Variants in COG3 observed in about 807,000 individuals in gnomAD.
COG3 encodes component of oligomeric golgi complex 3, also known as conserved oligomeric Golgi complex subunit 3.
A neutral mutation model predicts 114.1 loss-of-function variants in COG3; 32 were observed. The ratio of observed to expected loss-of-function variants is 0.28; its 90% confidence interval spans 0.21 to 0.38. The LOEUF (loss-of-function observed/expected upper bound fraction) is 0.38. Ranked by LOEUF, COG3 falls within the 10% of genes least tolerant of loss-of-function variation. The pLI, the probability that COG3 is intolerant of heterozygous loss-of-function variation, is 1.00. For missense variants in COG3, 813 were observed against 973.2 expected, an observed-to-expected ratio of 0.84 and a Z score of 2.19; for synonymous variants, 352 against 365.7, an observed-to-expected ratio of 0.96 and a Z score of 0.43.
At chr13:45,486,456 A>T in intron 7 of COG3, 39 bp from the exon 8 acceptor site, 1 of 1,255,622 alleles carries the variant, frequency 8.0e-7, no homozygotes, top group Non-Finnish European at 1.2e-6. Context: ...TTTGTTTGCT[A>T]ATTATCTTCC....
At chr13:45,510,074 T>A (rs1870691891) in intron 15 of COG3, among the ~76,000 whole-genome samples, 1 of 152,182 alleles carries the variant, frequency 6.6e-6, no homozygotes, top group African/African-American at 2.4e-5. Flanking sequence ...GTTTTATGTG[T>A]GCATTCCTGA....
intron 1 of COG3, among the ~76,000 whole-genome samples, chr13:45,466,947 C>G (rs1287737858): frequency 1.3e-5 from 2 of 152,072 alleles, no homozygotes; most frequent in African/African-American, 4.8e-5. Flanking sequence ...GATCCTTAGC[C>G]TCATAGAGCT....
intron 7 of COG3, among the ~76,000 whole-genome samples, chr13:45,485,242 C>CA (rs1654090209): frequency 3.5e-5 from 3 of 85,606 alleles, no homozygotes; most frequent in Admixed American, 1.2e-4. Context: ...TGACCCCCCC[C>CA]ACCTCCCTCC....
At chr13:45,502,757 G>A (rs1186909056) in intron 13 of COG3, among the ~76,000 whole-genome samples, 3 of 152,072 alleles carry the variant, frequency 2.0e-5, no homozygotes, top group Non-Finnish European at 4.4e-5. Context: ...CCAATATGGA[G>A]TCTTTTATGC....
At chr13:45,483,829 C>T (rs1486129742) in intron 7 of COG3, among the ~76,000 whole-genome samples, 1 of 151,972 alleles carries the variant, frequency 6.6e-6, no homozygotes, top group Non-Finnish European at 1.5e-5. Context: ...CTATATTTAG[C>T]AAACATTTTT....
intron 7 of COG3, among the ~76,000 whole-genome samples, chr13:45,484,037 T>C (rs1465014390): frequency 1.3e-5 from 2 of 152,076 alleles, no homozygotes; most frequent in East Asian, 3.9e-4. Flanking sequence ...AAAATAAGAG[T>C]AGAATAAGCT....
At chr13:45,469,294 TTTA>T (rs1337507479) in intron 1 of COG3, among the ~76,000 whole-genome samples, 2 of 152,250 alleles carry the variant, frequency 1.3e-5, no homozygotes, top group Non-Finnish European at 2.9e-5. Context: ...TTCAAATTAT[TTTA>T]TTTTCTAAAG....
chr13:45,486,339 CGGGAGA>C lies in COG3; in HGVS notation c.844-131_844-126del, dbSNP rs1555295082. Among the ~76,000 whole-genome samples the C allele has an allele frequency of 1.8e-3, 99 of 55,236 alleles. 16 individuals are homozygous for C. The highest frequency in any genetic ancestry group is 9.1e-3 in the African/African-American group (61 of 6,670). 36.2% of individuals were successfully genotyped at this position (55,236 alleles called of 152,430 possible). ...GAGACGGGAGACGGGAGACGGGAGA[CGGGAGA>C]GGGAGAGGGAGAGGGAGAGGGAGAC... On this transcript the variant is annotated intron_variant, in intron 7 of 22. Transcript: ENST00000349995.
intron 20 of COG3, among the ~76,000 whole-genome samples, chr13:45,526,942 T>G (rs1313974063): frequency 2.0e-5 from 3 of 152,228 alleles, no homozygotes; most frequent in African/African-American, 7.2e-5. Context: ...TTGGAGCCTT[T>G]GACTCAAGGT....
chr13:45,498,479 A>T (rs758693626), intron 13 of COG3, among the ~76,000 whole-genome samples: 17 of 149,382 alleles, frequency 1.1e-4, no homozygotes, highest in Admixed American at 3.4e-4. Flanking sequence ...AAGAAATTGT[A>T]TGTGAAACAA....
intron 1 of COG3, among the ~76,000 whole-genome samples, chr13:45,467,309 A>G (rs1885201047): frequency 6.6e-6 from 1 of 152,256 alleles, no homozygotes; most frequent in African/African-American, 2.4e-5. Flanking sequence ...GCAATAGCTG[A>G]GGCCAGGTGC....
rs544051013 is a variant in COG3 at position 45,476,206 on chromosome 13, A to C, written c.180A>C (p.Pro60=). 2.5e-6 allele frequency: 4 copies of C among 1,613,690 alleles called. No individual in the cohort carries two copies. The East Asian group carries it at 6.7e-5, about 27-fold the overall frequency. ...TGTGACTCTCTTTTTTCAAGCTTCC[A>C]ATTGAAGACTTGTGCAGTTTAACAT... ...AENLPVPAEL[P]IEDLCSLTSQ... is the part of the protein sequence containing the mutation. The change falls in exon 2 of 23, where the codon CCA becomes CCC. Residue 60 remains proline (P), a synonymous_variant. Transcript: ENST00000349995.
At chr13:45,530,598 G>A in intron 21 of COG3, 84 bp from the exon 22 acceptor site, 2 of 852,692 alleles carry the variant, frequency 2.3e-6, no homozygotes, top group Non-Finnish European at 2.0e-6. Flanking sequence ...ACTCGCTTTG[G>A]CAAATATCAT....
chr13:45,482,559 G>C, intron 6 of COG3, 86 bp downstream of exon 6: 1 of 619,462 alleles, frequency 1.6e-6, no homozygotes, highest in Non-Finnish European at 2.8e-6. Context: ...CAACTTTTCT[G>C]TGTTTAGCAG....
At position 45,529,774 on chromosome 13, in the gene COG3, G is replaced by A; in HGVS notation, c.2231-17G>A. On this transcript the variant is annotated splice_polypyrimidine_tract_variant and intron_variant, in intron 20 of 22. Coordinates refer to ENST00000349995, the MANE Select transcript of COG3 (RefSeq NM_031431.4). ...TTCTTTTTCTTTATGACACTAATGA[G>A]GTTACTTTATTTCCAGCAAAGGTCA... The A allele has an allele frequency of 6.3e-7, 1 of 1,591,626 alleles. No individual in the cohort carries two copies. Among genetic ancestry groups the A allele is most frequent in the Non-Finnish European group, 8.6e-7 (1 of 1,165,782 alleles).
At chr13:45,518,884 A>T (rs919599927) in intron 18 of COG3, 34 bp downstream of exon 18, 2 of 1,610,494 alleles carry the variant, frequency 1.2e-6, no homozygotes, top group African/African-American at 2.7e-5. Flanking sequence ...GTGGTGGGAG[A>T]TAAACGACAT....
rs1593764266 is a variant in COG3 at position 45,535,755 on chromosome 13, T to A, written c.*1024T>A. On this transcript the variant is annotated 3_prime_UTR_variant, in exon 23 of 23. Transcript: ENST00000349995. ...CTAAGGATGACAAACACTATCCACA[T>A]CTGAAAACTACCACACCATATCAGG... 2.0e-6 allele frequency: 2 copies of A among 987,350 alleles called. No individual in the cohort carries two copies. Among genetic ancestry groups the A allele is most frequent in the African/African-American group, 3.5e-5 (2 of 57,306 alleles). The allele number at this position is 987,350 out of a possible 1,614,324, so 61.2% of individuals were successfully genotyped here.
Position 45,492,218 on chromosome 13 carries a change from T to A in COG3, c.1155T>A (p.Asn385Lys), listed in dbSNP as rs1231335971. ...HVCQDEHQLY[N>K]EFFTKPTSKL... ...GCCAGGATGAACACCAACTTTACAATGAATTTTTCACAAAACCAACATCAA... is the reference window on the plus strand; with the variant it reads ...GCCAGGATGAACACCAACTTTACAAAGAATTTTTCACAAAACCAACATCAA... Residue 385 changes from asparagine to lysine, a missense_variant, in exon 11 of 23, where the codon AAT (asparagine) becomes AAA (lysine). By Grantham distance (94) the Asn-to-Lys change is moderately conservative (BLOSUM62 0). Transcript: ENST00000349995. 1 of 1,608,830 alleles carries A rather than the reference T, an allele frequency of 6.2e-7. No homozygotes were observed. The highest frequency in any genetic ancestry group is 8.5e-7 in the Non-Finnish European group (1 of 1,177,750).
At chr13:45,487,085 TAG>T (rs1199898463) in intron 8 of COG3, among the ~76,000 whole-genome samples, 1 of 152,150 alleles carries the variant, frequency 6.6e-6, no homozygotes, top group Non-Finnish European at 1.5e-5. Flanking sequence ...TGGAACAGAA[TAG>T]AGAGCTCAGA....
Sources: allele counts gnomAD v4.1 joint callset (sites outside exome capture counted in the v4.1 genomes callset), GRCh38; gene constraint gnomAD v4.1.1; transcripts MANE v1.5; gene names NCBI Gene and HGNC (gene_info 2026-07-23, HGNC 2026-07-21).